The following ACSL1 variants were observed in gnomAD, a reference collection of about 807,000 sequenced individuals.
The protein encoded by ACSL1 is long-chain-fatty-acid--CoA ligase 1.
A neutral mutation model predicts 98.4 loss-of-function variants in ACSL1; 41 were observed. The observed-to-expected ratio is 0.42, with a 90% CI of 0.32 to 0.54. The LOEUF (loss-of-function observed/expected upper bound fraction) is 0.54. Ranked by LOEUF, ACSL1 falls within the 20% of genes least tolerant of loss-of-function variation. The pLI, the probability that ACSL1 is intolerant of heterozygous loss-of-function variation, is 0.13. For synonymous variants in ACSL1, 316 were observed against 322.7 expected (o/e 0.98, Z 0.22); for missense variants, 734 against 883.1 (o/e 0.83, Z 2.14).
At chr4:184,764,982 A>G in intron 14 of ACSL1, 57 bp from the exon 15 acceptor site, 1 of 1,539,060 alleles carries the variant, frequency 6.5e-7, no homozygotes, top group Non-Finnish European at 8.9e-7. Context: ...CCTTTACTGG[A>G]AGTGCACAAG....
chr4:184,774,495 T>C (rs958549807), intron 7 of ACSL1, among the ~76,000 whole-genome samples: 1 of 152,162 alleles, frequency 6.6e-6, no homozygotes, highest in Non-Finnish European at 1.5e-5. Flanking sequence ...CCTTCCTGAA[T>C]GGACTTGAAG....
chr4:184,770,522 A>G, intron 10 of ACSL1, 46 bp from the exon 11 acceptor site: 1 of 1,115,804 alleles, frequency 9.0e-7, no homozygotes, highest in Non-Finnish European at 1.2e-6. Context: ...TAAGACTCCC[A>G]GTGAAGGGGA....
At chr4:184,789,206 A>G (rs1272269927) in intron 2 of ACSL1, among the ~76,000 whole-genome samples, 1 of 152,192 alleles carries the variant, frequency 6.6e-6, no homozygotes, top group Non-Finnish European at 1.5e-5. Flanking sequence ...AACCACGGCT[A>G]AGTCAGAAAG....
chr4:184,798,821 G>C (rs1290553334), intron 2 of ACSL1: 6 of 152,324 alleles, frequency 3.9e-5, no homozygotes, highest in African/African-American at 1.4e-4. Context: ...CTGAACTTCT[G>C]TGAATGTCAC....
intron 2 of ACSL1, among the ~76,000 whole-genome samples, chr4:184,800,781 T>A (rs1209470987): frequency 6.6e-6 from 1 of 152,242 alleles, no homozygotes; most frequent in East Asian, 1.9e-4. Context: ...ACCCAGCTTG[T>A]CTGTCCTGTT....
At chr4:184,811,375 G>C (rs1431488292) in intron 1 of ACSL1, among the ~76,000 whole-genome samples, 2 of 152,228 alleles carry the variant, frequency 1.3e-5, no homozygotes, top group Middle Eastern at 6.8e-3. Flanking sequence ...GCCTCCCAAA[G>C]TGCTGGGATT....
intron 11 of ACSL1, among the ~76,000 whole-genome samples, chr4:184,768,851 C>CT (rs1764038408): frequency 6.6e-6 from 1 of 152,134 alleles, no homozygotes; most frequent in East Asian, 1.9e-4. Context: ...AGGTGGATCA[C>CT]TTGAGGTCAG....
In ACSL1 at chr4:184,777,186, G is replaced by T. The variant is rs185381983; in HGVS notation, c.478-203C>A. On this transcript the variant is annotated intron_variant, in intron 5 of 20. Coordinates refer to ENST00000281455, the MANE Select transcript of ACSL1 (RefSeq NM_001995.5). ...TGCCCCCTTCTTAAAAAGAAATTAA[G>T]GCCAGGCACACTGACTCACACCAGT... Among the ~76,000 whole-genome samples the T allele has an allele frequency of 1.0e-3, 154 of 152,324 alleles. 1 individual carries two copies. The highest frequency in any genetic ancestry group is 9.5e-3 in the Admixed American group (146 of 15,290).
At chr4:184,815,394 T>C (rs1375529386) in intron 1 of ACSL1, among the ~76,000 whole-genome samples, 1 of 152,152 alleles carries the variant, frequency 6.6e-6, no homozygotes, top group African/African-American at 2.4e-5. Flanking sequence ...GTCAATGTCT[T>C]GGCTGAGTAA....
intron 4 of ACSL1, 84 bp from the exon 5 acceptor site, chr4:184,780,517 A>C (rs2150348021): frequency 5.2e-5 from 49 of 935,994 alleles, no homozygotes; most frequent in Non-Finnish European, 7.6e-5. Context: ...CTTGTATCTC[A>C]GCCAGCAAGC....
At chr4:184,808,981 G>T (rs1579956564) in intron 1 of ACSL1, among the ~76,000 whole-genome samples, 3 of 152,184 alleles carry the variant, frequency 2.0e-5, no homozygotes, top group Admixed American at 1.3e-4. Context: ...TAACAAACAT[G>T]CAAGTGGTTC....
intron 14 of ACSL1, 127 bp from the exon 15 acceptor site, chr4:184,765,052 T>C: frequency 1.1e-6 from 1 of 925,288 alleles, no homozygotes; most frequent in South Asian, 1.7e-5. Context: ...TTTCAAATGG[T>C]CTGTTCAGTA....
At chr4:184,824,176 A>T (rs1226602492) in intron 1 of ACSL1, among the ~76,000 whole-genome samples, 1 of 152,186 alleles carries the variant, frequency 6.6e-6, no homozygotes, top group Non-Finnish European at 1.5e-5. Context: ...CCCAGTCTGG[A>T]GTGCAGTGGC....
At chr4:184,815,557 C>T (rs1772555256) in intron 1 of ACSL1, among the ~76,000 whole-genome samples, 1 of 152,058 alleles carries the variant, frequency 6.6e-6, no homozygotes, top group Non-Finnish European at 1.5e-5. Flanking sequence ...CCCCACAGCT[C>T]GCAGAGGTCA....
At chr4:184,763,562 G>A (rs1561175647) in intron 15 of ACSL1, among the ~76,000 whole-genome samples, 5 of 152,200 alleles carry the variant, frequency 3.3e-5, no homozygotes, top group South Asian at 4.2e-4. Flanking sequence ...ACCTTCACTC[G>A]GCTTCCACCC....
At chr4:184,770,282 A>G in intron 11 of ACSL1, 117 bp downstream of exon 11, 1 of 1,548,826 alleles carries the variant, frequency 6.5e-7, no homozygotes. Context: ...AAATGTGAGC[A>G]AGTGGTAAAT....
chr4:184,815,145 C>T (rs1057225310), intron 1 of ACSL1: 7 of 455,334 alleles, frequency 1.5e-5, no homozygotes, highest in Non-Finnish European at 2.2e-5. Flanking sequence ...GAAAACAGTA[C>T]GCATGCACCA....
chr4:184,817,713 C>T (rs1464535170), intron 1 of ACSL1, among the ~76,000 whole-genome samples: 1 of 152,212 alleles, frequency 6.6e-6, no homozygotes, highest in Non-Finnish European at 1.5e-5. Context: ...AGACACTCAG[C>T]ATCACCCAGT....
intron 2 of ACSL1, among the ~76,000 whole-genome samples, chr4:184,791,458 T>G (rs915935318): frequency 6.6e-6 from 1 of 152,172 alleles, no homozygotes; most frequent in African/African-American, 2.4e-5. Flanking sequence ...CACCTGGCAC[T>G]GGTTAGGAAA....
Sources: gnomAD v4.1 joint callset for allele counts (sites outside exome capture counted in the v4.1 genomes callset) on GRCh38, gnomAD v4.1.1 for gene constraint, MANE v1.5 for transcripts, NCBI Gene and HGNC (gene_info 2026-07-23, HGNC 2026-07-21) for gene names.